The following NRG1 variants were observed in gnomAD, a reference collection of about 807,000 sequenced individuals.
NRG1 encodes neuregulin 1, also known as pro-neuregulin-1, membrane-bound isoform.
In NRG1, 18 loss-of-function variants were observed where a neutral mutation model predicts 63.8. That is an observed-to-expected ratio of 0.28 (90% CI 0.19 to 0.42). The LOEUF is 0.42. NRG1 is among the 10% of genes least tolerant of loss of function. The pLI is 1.00. For missense variants in NRG1, 762 were observed against 814.7 expected (o/e 0.94, Z 0.79); for synonymous variants, 302 against 301.3 (o/e 1.00, Z -0.02).
intron 1 of NRG1, among the ~76,000 whole-genome samples, chr8:32,455,784 G>A (rs945771697): frequency 3.3e-5 from 5 of 152,106 alleles, no homozygotes; most frequent in African/African-American, 1.2e-4. Context: ...ACAGAATAAG[G>A]AAACCTATTT....
chr8:32,532,013 TC>T (rs892613779), intron 1 of NRG1, among the ~76,000 whole-genome samples: 1 of 152,182 alleles, frequency 6.6e-6, no homozygotes, highest in Non-Finnish European at 1.5e-5. Flanking sequence ...CCCAGGATGC[TC>T]CCTGACATAC....
chr8:32,145,180 A>G (rs1425505584), intron 1 of NRG1, among the ~76,000 whole-genome samples: 1 of 152,208 alleles, frequency 6.6e-6, no homozygotes, highest in African/African-American at 2.4e-5. Flanking sequence ...GCTGTATCTA[A>G]TGACGGCCCA....
At chr8:31,940,062 T>C (rs1443998424) in intron 1 of NRG1, among the ~76,000 whole-genome samples, 1 of 152,012 alleles carries the variant, frequency 6.6e-6, no homozygotes, top group Non-Finnish European at 1.5e-5. Flanking sequence ...TTAACAGATA[T>C]TTATAGAACA....
chr8:32,697,037 G>A (rs1813548095), intron 5 of NRG1, among the ~76,000 whole-genome samples: 1 of 152,210 alleles, frequency 6.6e-6, no homozygotes, highest in Admixed American at 6.5e-5. Context: ...TGAAAGTCCT[G>A]TAAGCTATAG....
At chr8:32,491,421 A>G (rs1388741912) in intron 1 of NRG1, among the ~76,000 whole-genome samples, 1 of 152,198 alleles carries the variant, frequency 6.6e-6, no homozygotes, top group African/African-American at 2.4e-5. Context: ...GTAGAAAAAG[A>G]TGCTTCACTG....
intron 1 of NRG1, among the ~76,000 whole-genome samples, chr8:32,162,311 G>A (rs1490410250): frequency 6.6e-6 from 1 of 152,134 alleles, no homozygotes; most frequent in African/African-American, 2.4e-5. Context: ...AAATATTGGA[G>A]TAAAAAGGAA....
At chr8:32,462,427 G>A (rs1822430404) in intron 1 of NRG1, among the ~76,000 whole-genome samples, 2 of 152,040 alleles carry the variant, frequency 1.3e-5, no homozygotes, top group Non-Finnish European at 2.9e-5. Flanking sequence ...CATATCCATT[G>A]TGAAATAAAT....
At chr8:32,021,450 G>A (rs1254121755) in intron 1 of NRG1, among the ~76,000 whole-genome samples, 2 of 152,124 alleles carry the variant, frequency 1.3e-5, no homozygotes, top group African/African-American at 2.4e-5. Context: ...TTAGTCTTGC[G>A]AGAGTGAGAA....
chr8:32,342,951 G>A (rs1804261037), intron 1 of NRG1, among the ~76,000 whole-genome samples: 1 of 152,154 alleles, frequency 6.6e-6, no homozygotes, highest in Non-Finnish European at 1.5e-5. Context: ...AAATCATGGG[G>A]ATGAGATCTT....
chr8:31,769,752 C>A (rs1818430913), intron 1 of NRG1, among the ~76,000 whole-genome samples: 1 of 152,036 alleles, frequency 6.6e-6, no homozygotes. Context: ...TGGGGATTAT[C>A]AGTAAGAAAA....
At chr8:32,446,979 G>A (rs758483994) in intron 1 of NRG1, among the ~76,000 whole-genome samples, 40 of 129,576 alleles carry the variant, frequency 3.1e-4, no homozygotes, top group Non-Finnish European at 5.2e-4. Flanking sequence ...GACATTTAGC[G>A]CTCAGAAAAC....
At chr8:32,552,959 G>A (rs1834430084) in intron 1 of NRG1, among the ~76,000 whole-genome samples, 1 of 152,158 alleles carries the variant, frequency 6.6e-6, no homozygotes, top group African/African-American at 2.4e-5. Context: ...TTCTTACCAT[G>A]TTCCAGGCAG....
intron 1 of NRG1, among the ~76,000 whole-genome samples, chr8:32,428,922 G>C (rs1382186118): frequency 6.6e-6 from 1 of 151,452 alleles, no homozygotes; most frequent in African/African-American, 2.4e-5. Context: ...TGTTTGTTTT[G>C]CTTTTGGGAT....
chr8:32,153,982 A>G (rs1837786493), intron 1 of NRG1, among the ~76,000 whole-genome samples: 1 of 152,200 alleles, frequency 6.6e-6, no homozygotes, highest in Non-Finnish European at 1.5e-5. Flanking sequence ...GGTGCTGGGA[A>G]CAAGTCCTAC....
At chr8:32,683,486 G>A (rs1467860696) in intron 5 of NRG1, among the ~76,000 whole-genome samples, 1 of 152,120 alleles carries the variant, frequency 6.6e-6, no homozygotes, top group Non-Finnish European at 1.5e-5. Context: ...GCACTTTTCG[G>A]CATAGTAGCT....
At chr8:32,672,702 T>C (rs894953091) in intron 5 of NRG1, among the ~76,000 whole-genome samples, 1 of 152,178 alleles carries the variant, frequency 6.6e-6, no homozygotes, top group African/African-American at 2.4e-5. Context: ...CATCTTAAGA[T>C]CAAAAACAAT....
intron 1 of NRG1, among the ~76,000 whole-genome samples, chr8:31,732,181 G>A (rs536087769): frequency 3.9e-5 from 6 of 152,234 alleles, no homozygotes; most frequent in Admixed American, 1.3e-4. Flanking sequence ...CAGTGGGTTC[G>A]TTCCAGTTCA....
intron 1 of NRG1, among the ~76,000 whole-genome samples, chr8:32,306,535 G>A (rs1856201707): frequency 6.6e-6 from 1 of 152,130 alleles, no homozygotes; most frequent in African/African-American, 2.4e-5. Context: ...TGTTGAGTCT[G>A]GACACTAGAG....
At chr8:31,660,599 C>G (rs1027996733) in intron 1 of NRG1, among the ~76,000 whole-genome samples, 1 of 152,178 alleles carries the variant, frequency 6.6e-6, no homozygotes, top group Non-Finnish European at 1.5e-5. Context: ...TAACAAAACT[C>G]CGGCTCACCA....
Sources: gnomAD v4.1 joint callset for allele counts (sites outside exome capture counted in the v4.1 genomes callset) on GRCh38, gnomAD v4.1.1 for gene constraint, MANE v1.5 for transcripts, NCBI Gene and HGNC (gene_info 2026-07-23, HGNC 2026-07-21) for gene names.